IL23R: variants seen among roughly 807,000 people sequenced by gnomAD.
The protein encoded by IL23R is interleukin 23 receptor, also known as interleukin-23 receptor.
Under a neutral mutation model 56.9 loss-of-function variants are expected in IL23R, and 34 were observed. The observed-to-expected ratio is 0.60, with a 90% CI of 0.45 to 0.80. IL23R has a LOEUF of 0.80. IL23R is among the 30% of genes least tolerant of loss of function. The pLI is 0.00. For synonymous variants in IL23R, 230 were observed against 249.2 expected, an observed-to-expected ratio of 0.92 and a Z score of 0.73; for missense variants, 635 against 730.0, an observed-to-expected ratio of 0.87 and a Z score of 1.50.
chr1:67,200,983 C>A, intron 5 of IL23R, 86 bp downstream of exon 5: 1 of 1,359,650 alleles, frequency 7.4e-7, no homozygotes, highest in Non-Finnish European at 1.0e-6. Flanking sequence ...GAAAGAAGTT[C>A]CCCTAAAGTT....
intron 6 of IL23R, among the ~76,000 whole-genome samples, chr1:67,212,664 G>A (rs868202741): frequency 5.9e-5 from 9 of 151,414 alleles, no homozygotes; most frequent in African/African-American, 2.2e-4. Flanking sequence ...TCCTGCCTCA[G>A]TCTCCCAAGT....
At chr1:67,179,269 C>T (rs1291958730) in intron 3 of IL23R, among the ~76,000 whole-genome samples, 2 of 152,112 alleles carry the variant, frequency 1.3e-5, no homozygotes, top group African/African-American at 2.4e-5. Context: ...GGTTGGTAGG[C>T]TATTAATTAT....
intron 3 of IL23R, among the ~76,000 whole-genome samples, chr1:67,173,665 T>C (rs1489993116): frequency 6.6e-6 from 1 of 151,702 alleles, no homozygotes; most frequent in East Asian, 1.9e-4. Flanking sequence ...TGAATATAGG[T>C]TTTTTTAAAA....
At chr1:67,262,615 C>T (rs560250837), downstream of IL23R, among the ~76,000 whole-genome samples, 3 of 152,148 alleles carry the variant, frequency 2.0e-5, no homozygotes, top group Non-Finnish European at 4.4e-5. Context: ...CCTGACCACT[C>T]CCCACCTCCC....
intron 9 of IL23R, among the ~76,000 whole-genome samples, chr1:67,253,651 C>A (rs1402907403): frequency 6.6e-6 from 1 of 152,058 alleles, no homozygotes; most frequent in Admixed American, 6.6e-5. Context: ...ATTCCTAATA[C>A]CCTTGTAAGG....
chr1:67,217,005 G>T (rs1303960867), intron 6 of IL23R, among the ~76,000 whole-genome samples: 1 of 152,150 alleles, frequency 6.6e-6, no homozygotes, highest in Non-Finnish European at 1.5e-5. Flanking sequence ...ACACTGGTGG[G>T]TTACCAAGGA....
At chr1:67,254,799 A>G (rs1008163281) in intron 9 of IL23R, among the ~76,000 whole-genome samples, 1 of 152,188 alleles carries the variant, frequency 6.6e-6, no homozygotes, top group Admixed American at 6.5e-5. Flanking sequence ...TGCCCAAACC[A>G]ATTTGTACTG....
intron 1 of IL23R, among the ~76,000 whole-genome samples, chr1:67,141,784 T>A (rs1489708430): frequency 1.3e-5 from 2 of 151,556 alleles, no homozygotes; most frequent in African/African-American, 2.4e-5. Context: ...GACCGTGGGA[T>A]TGAGGAGGAA....
At chr1:67,265,101 A>G in the IL23R span, among the ~76,000 whole-genome samples, 1 of 152,242 alleles carries the variant, frequency 6.6e-6, no homozygotes, top group Admixed American at 6.5e-5. Flanking sequence ...TAAATAGCCA[A>G]ACACTGGAAC....
At chr1:67,224,195 A>G (rs1650475381) in intron 7 of IL23R, among the ~76,000 whole-genome samples, 2 of 152,252 alleles carry the variant, frequency 1.3e-5, no homozygotes, top group African/African-American at 4.8e-5. Context: ...ACATTGCATC[A>G]TACATAAAGA....
chr1:67,174,687 C>G (rs1646986397), intron 3 of IL23R, among the ~76,000 whole-genome samples: 1 of 152,030 alleles, frequency 6.6e-6, no homozygotes, highest in Non-Finnish European at 1.5e-5. Context: ...AAATCTTAAT[C>G]TTATTCACTA....
At chr1:67,244,849 A>G (rs1652105920) in intron 9 of IL23R, among the ~76,000 whole-genome samples, 1 of 152,196 alleles carries the variant, frequency 6.6e-6, no homozygotes, top group South Asian at 2.1e-4. Flanking sequence ...TTCTGTGAAG[A>G]AAGTCAATGG....
Position 67,259,012 on chromosome 1 carries a change from G to A in IL23R, c.1774G>A (p.Asp592Asn). The stretch of plus-strand genomic sequence containing the variant: ...TATTCCAGAACAGACCCTGCTTCCT[G>A]ATGAATTTGTCTCCTGTTTGGGGAT... ...ETIPEQTLLP[D>N]EFVSCLGIVN... Residue 592 changes from aspartate to asparagine, a missense_variant, in exon 11 of 11, where the codon GAT becomes AAT. Transcript: ENST00000347310. 2 of 1,614,044 alleles carry A rather than the reference G, an allele frequency of 1.2e-6. No individual in the cohort carries two copies. Among genetic ancestry groups the A allele is most frequent in the Non-Finnish European group, 1.7e-6 (2 of 1,179,996 alleles).
intron 3 of IL23R, among the ~76,000 whole-genome samples, chr1:67,171,227 G>C (rs1397105223): frequency 1.3e-5 from 2 of 152,102 alleles, no homozygotes; most frequent in African/African-American, 4.8e-5. Context: ...AAAAAGCTTA[G>C]TTGTTAATTT....
intron 3 of IL23R, among the ~76,000 whole-genome samples, chr1:67,181,010 C>T (rs1038688753): frequency 3.9e-5 from 6 of 152,166 alleles, no homozygotes; most frequent in Middle Eastern, 3.2e-3. Flanking sequence ...GATGGGCTTC[C>T]CTTTGTGGGT....
intron 7 of IL23R, among the ~76,000 whole-genome samples, chr1:67,221,434 TTC>T: frequency 6.7e-6 from 1 of 150,036 alleles, no homozygotes; most frequent in East Asian, 1.9e-4. Context: ...AAACACAGAA[TTC>T]TCTTCTCCTC....
At chr1:67,172,458 C>T (rs1186776115) in intron 3 of IL23R, among the ~76,000 whole-genome samples, 3 of 152,060 alleles carry the variant, frequency 2.0e-5, no homozygotes, top group Non-Finnish European at 2.9e-5. Context: ...TCACAATTTC[C>T]ATTTTTAGCC....
In IL23R at chr1:67,258,666, T is replaced by C. The variant is rs1327027616; in HGVS notation, c.1428T>C (p.Tyr476=). The C allele has an allele frequency of 6.2e-7, 1 of 1,613,976 alleles. No individual in the cohort carries two copies. The highest frequency in any genetic ancestry group is 2.2e-5 in the East Asian group (1 of 44,870). Residue 476 remains tyrosine (Y), a synonymous_variant, in exon 11 of 11, where the codon TAT becomes TAC. Transcript: ENST00000347310. ...NSLFDNTTVV[Y]IPDLNTGYKP... ...TATTCGACAATACTACAGTTGTATA[T>C]ATTCCTGATCTCAACACTGGATATA...
At chr1:67,152,274 G>T (rs944454726) in intron 1 of IL23R, among the ~76,000 whole-genome samples, 1 of 152,058 alleles carries the variant, frequency 6.6e-6, no homozygotes, top group Non-Finnish European at 1.5e-5. Flanking sequence ...GTCTATTGTT[G>T]GTGTGTAGGA....
Sources: gnomAD v4.1 joint callset for allele counts (sites outside exome capture counted in the v4.1 genomes callset) on GRCh38, gnomAD v4.1.1 for gene constraint, MANE v1.5 for transcripts, NCBI Gene and HGNC (gene_info 2026-07-23, HGNC 2026-07-21) for gene names.